The following TUSC3 variants were observed in gnomAD, a reference collection of about 807,000 sequenced individuals.
TUSC3 encodes the protein tumor suppressor candidate 3.
Under a neutral mutation model 44.8 loss-of-function variants are expected in TUSC3, and 45 were observed. The observed-to-expected ratio is 1.00, with a 90% CI of 0.79 to 1.29. TUSC3 has a LOEUF of 1.29. Ranked by LOEUF, TUSC3 falls within the 50% of genes most tolerant of loss-of-function variation. The probability of loss-of-function intolerance (pLI) is 0.00; values close to 1 mark genes in which losing one functional copy is unlikely to be tolerated. For missense variants in TUSC3, 519 were observed against 437.9 expected (o/e 1.19, Z -1.65); for synonymous variants, 212 against 152.9 (o/e 1.39, Z -2.85).
At chr8:15,675,382 T>C (rs964296384) in intron 6 of TUSC3, among the ~76,000 whole-genome samples, 2 of 152,074 alleles carry the variant, frequency 1.3e-5, no homozygotes, top group Admixed American at 1.3e-4. Context: ...TTATTCAACA[T>C]TCTTATGAAA....
At chr8:15,612,893 C>A (rs980199257) in intron 1 of TUSC3, among the ~76,000 whole-genome samples, 4 of 151,976 alleles carry the variant, frequency 2.6e-5, no homozygotes, top group Non-Finnish European at 5.9e-5. Context: ...ACTGATCGGA[C>A]CAGTCTAGAC....
chr8:15,739,782 A>C (rs1314154438), intron 7 of TUSC3, among the ~76,000 whole-genome samples: 1 of 152,190 alleles, frequency 6.6e-6, no homozygotes, highest in African/African-American at 2.4e-5. Flanking sequence ...TTCTTTGCCC[A>C]ATGCTTGTTA....
the TUSC3 span, among the ~76,000 whole-genome samples, chr8:15,776,072 T>G: frequency 2.6e-5 from 4 of 152,100 alleles, no homozygotes; most frequent in African/African-American, 9.7e-5. Context: ...CAGAATAGTT[T>G]CTCTATGATA....
chr8:15,478,466 G>A (rs576088976), intron 1 of TUSC3, among the ~76,000 whole-genome samples: 3 of 151,946 alleles, frequency 2.0e-5, no homozygotes, highest in Non-Finnish European at 2.9e-5. Flanking sequence ...TGTGTTGTTC[G>A]CCTCTGTGTG....
the TUSC3 span, among the ~76,000 whole-genome samples, chr8:15,837,817 G>T: frequency 5.3e-5 from 8 of 151,978 alleles, no homozygotes; most frequent in Non-Finnish European, 1.2e-4. Context: ...ATTTATTTTT[G>T]CTTTTTCAAA....
intron 5 of TUSC3, among the ~76,000 whole-genome samples, chr8:15,673,315 A>G (rs1808033576): frequency 6.6e-6 from 1 of 152,108 alleles, no homozygotes; most frequent in African/African-American, 2.4e-5. Flanking sequence ...CCGTAATCCA[A>G]GAATGTAGGG....
At chr8:15,759,409 C>G (rs1812076601) in intron 10 of TUSC3, among the ~76,000 whole-genome samples, 1 of 151,966 alleles carries the variant, frequency 6.6e-6, no homozygotes, top group African/African-American at 2.4e-5. Flanking sequence ...GGACAGAATA[C>G]ATTTGTTCCA....
At chr8:15,708,653 C>G (rs912579197) in intron 6 of TUSC3, among the ~76,000 whole-genome samples, 1 of 151,858 alleles carries the variant, frequency 6.6e-6, no homozygotes. Flanking sequence ...ATAAAACATT[C>G]AGTTTTTAAA....
chr8:15,537,137 G>GCT (rs141942463), upstream of TUSC3, among the ~76,000 whole-genome samples: 15 of 123,050 alleles, frequency 1.2e-4, no homozygotes, highest in African/African-American at 3.3e-4. Context: ...GTTACAACCT[G>GCT]CTCTCTCTCT....
At chr8:15,593,901 T>TCTGCTATA (rs1299985967) in intron 1 of TUSC3, among the ~76,000 whole-genome samples, 1 of 152,168 alleles carries the variant, frequency 6.6e-6, no homozygotes, top group Non-Finnish European at 1.5e-5. Flanking sequence ...ATTGTGAGGA[T>TCTGCTATA]CTGCTATAAG....
In TUSC3 at chr8:15,540,343, T is replaced by G. The variant is rs78789580; in HGVS notation, c.-88T>G. The G allele has an allele frequency of 1.5e-3, 2,066 of 1,378,922 alleles. 31 individuals carry two copies. In the African/African-American group the frequency reaches 0.028, roughly 19 times the overall value. 85.4% of individuals were successfully genotyped at this position (1,378,922 alleles called of 1,614,324 possible). A position where few individuals can be genotyped will look rare whatever the true frequency, so the allele number is the denominator to read the frequency against. On this transcript the variant is annotated 5_prime_UTR_variant, in exon 1 of 11. Transcript: ENST00000503731. ...ATCCCGGAGGGCCCAGCCAGCGGGC[T>G]CCCGGAGGCTGGCCGGGCAGGCGTG...
intron 2 of TUSC3, among the ~76,000 whole-genome samples, chr8:15,630,872 A>G (rs929530217): frequency 6.6e-6 from 1 of 152,196 alleles, no homozygotes; most frequent in Admixed American, 6.5e-5. Flanking sequence ...CCTTACAGAG[A>G]GGTCACACCT....
intron 6 of TUSC3, among the ~76,000 whole-genome samples, chr8:15,686,517 C>T (rs933354104): frequency 5.3e-5 from 8 of 151,946 alleles, no homozygotes; most frequent in African/African-American, 1.9e-4. Flanking sequence ...TCTTAGGCAG[C>T]CATACCATAT....
At chr8:15,592,625 C>G (rs57660614) in intron 1 of TUSC3, among the ~76,000 whole-genome samples, 7,346 of 152,236 alleles carry the variant, frequency 0.048, 243 homozygotes, top group African/African-American at 0.1. Context: ...TTCCTGAGGC[C>G]TCATCAGAAG....
chr8:15,790,094 A>G, the TUSC3 span, among the ~76,000 whole-genome samples: 2 of 149,470 alleles, frequency 1.3e-5, no homozygotes, highest in African/African-American at 2.5e-5. Flanking sequence ...GGGACAGGTT[A>G]TTCCGAAATC....
rs182835560 is a variant in TUSC3 at position 15,449,253 on chromosome 8, T to C, written n.91+31948T>C. ...TAAGCTATAGGAGGAATCATGAATA[T>C]TTATGAAAGAAGGAATGGGCACATG... On this transcript the variant is annotated intron_variant and non_coding_transcript_variant, in intron 1 of 5. Coordinates refer to the TUSC3 transcript ENST00000503191. 3.5e-4 allele frequency among the ~76,000 whole-genome samples: 53 copies of C among 152,236 alleles called. 1 individual carries two copies. Among genetic ancestry groups the C allele is most frequent in the African/African-American group, 1.3e-3 (52 of 41,536 alleles).
chr8:15,706,424 G>T (rs13272655), intron 6 of TUSC3, among the ~76,000 whole-genome samples: 73,062 of 151,768 alleles, frequency 0.48, 19,838 homozygotes, highest in Non-Finnish European at 0.62. Context: ...CCAATTCCAT[G>T]TTAAAATATT....
chr8:15,737,322 T>C (rs574674932), intron 7 of TUSC3, among the ~76,000 whole-genome samples: 40 of 152,168 alleles, frequency 2.6e-4, no homozygotes, highest in Non-Finnish European at 4.9e-4. Flanking sequence ...CCATTCCTAG[T>C]AGCAACAGTA....
chr8:15,843,723 G>C, the TUSC3 span, among the ~76,000 whole-genome samples: 2 of 151,792 alleles, frequency 1.3e-5, no homozygotes, highest in Admixed American at 1.3e-4. Flanking sequence ...GTATATGTAT[G>C]TGTGTGTTTG....
Sources: allele counts gnomAD v4.1 joint callset (sites outside exome capture counted in the v4.1 genomes callset), GRCh38; gene constraint gnomAD v4.1.1; transcripts MANE v1.5; gene names NCBI Gene and HGNC (gene_info 2026-07-23, HGNC 2026-07-21).